MPPED2: variants seen among roughly 807,000 people sequenced by gnomAD.
The protein encoded by MPPED2 is metallophosphoesterase MPPED2.
Under a neutral mutation model 33.0 loss-of-function variants are expected in MPPED2, and 5 were observed. The observed-to-expected ratio is 0.15, with a 90% CI of 0.08 to 0.32. MPPED2 has a LOEUF of 0.32. Among genes scored for constraint, MPPED2 ranks in the 10% least tolerant of loss-of-function variants. MPPED2 has a pLI of 1.00. For synonymous variants in MPPED2, 136 were observed against 141.9 expected, an observed-to-expected ratio of 0.96 and a Z score of 0.29; for missense variants, 275 against 372.1, an observed-to-expected ratio of 0.74 and a Z score of 2.15.
At chr11:30,435,299 C>G (rs1949273863) in intron 4 of MPPED2, among the ~76,000 whole-genome samples, 1 of 152,168 alleles carries the variant, frequency 6.6e-6, no homozygotes. Flanking sequence ...TGTGAAATGT[C>G]TGCTAGCCAG....
At chr11:30,490,383 C>T (rs1417045947) in intron 4 of MPPED2, among the ~76,000 whole-genome samples, 1 of 152,164 alleles carries the variant, frequency 6.6e-6, no homozygotes, top group Non-Finnish European at 1.5e-5. Context: ...TGTGGCTGAA[C>T]TGTTAAAAAG....
intron 4 of MPPED2, among the ~76,000 whole-genome samples, chr11:30,434,913 G>A (rs1284051890): frequency 6.6e-6 from 1 of 152,012 alleles, no homozygotes; most frequent in African/African-American, 2.4e-5. Flanking sequence ...TTAATCACTC[G>A]ATTAGGGTCA....
chr11:30,393,108 T>C (rs1947800230), intron 6 of MPPED2, among the ~76,000 whole-genome samples: 2 of 152,118 alleles, frequency 1.3e-5, no homozygotes, highest in Non-Finnish European at 2.9e-5. Context: ...TCATCGACAG[T>C]TGTTTCTCTT....
intron 4 of MPPED2, among the ~76,000 whole-genome samples, chr11:30,478,494 T>C (rs1951323771): frequency 6.6e-6 from 1 of 152,136 alleles, no homozygotes; most frequent in African/African-American, 2.4e-5. Context: ...TGTGGGTTAA[T>C]GGATGTTCAC....
At chr11:30,439,877 A>ATCT (rs1337152670) in intron 4 of MPPED2, among the ~76,000 whole-genome samples, 1 of 152,228 alleles carries the variant, frequency 6.6e-6, no homozygotes, top group African/African-American at 2.4e-5. Context: ...GTTACTTAAC[A>ATCT]TCTCTGTGTC....
rs1442006553 is a variant in MPPED2, at chr11:30,410,405, G to A, written c.*1063C>T. On this transcript the variant is annotated 3_prime_UTR_variant, in exon 7 of 7. Transcript: ENST00000358117. ...CTATTAGCGACAATATTTTGTGCTA[G>A]CGAAGATTGCATCGACACACAGTGC... 7 of 985,782 alleles carry A rather than the reference G, an allele frequency of 7.1e-6. No homozygotes were observed. Among genetic ancestry groups the A allele is most frequent in the Non-Finnish European group, 8.4e-6 (7 of 829,866 alleles). 61.1% of individuals were successfully genotyped at this position (985,782 alleles called of 1,614,324 possible). A position where few individuals can be genotyped will look rare whatever the true frequency, so the allele number is the denominator to read the frequency against.
intron 2 of MPPED2, among the ~76,000 whole-genome samples, chr11:30,550,824 G>A (rs116368476): frequency 1.5e-3 from 224 of 152,268 alleles, no homozygotes; most frequent in African/African-American, 5.1e-3. Flanking sequence ...GGGTTTCTGA[G>A]TTACAGTGTT....
chr11:30,386,561 G>T, exon 7 of MPPED2: 1 of 396,078 alleles, frequency 2.5e-6, no homozygotes, highest in Non-Finnish European at 4.4e-6. Flanking sequence ...CAGTCTCAGG[G>T]ATTCCTTTAT....
At chr11:30,443,904 A>G (rs1437382044) in intron 4 of MPPED2, among the ~76,000 whole-genome samples, 2 of 152,208 alleles carry the variant, frequency 1.3e-5, no homozygotes, top group Non-Finnish European at 2.9e-5. Context: ...GGAACAGTAC[A>G]TTGCCCTCAA....
At chr11:30,395,747 T>G (rs1429063751) in intron 6 of MPPED2, among the ~76,000 whole-genome samples, 1 of 152,174 alleles carries the variant, frequency 6.6e-6, no homozygotes, top group Non-Finnish European at 1.5e-5. Context: ...AAGTCTTTAA[T>G]TTAATATAAC....
intron 4 of MPPED2, among the ~76,000 whole-genome samples, chr11:30,423,252 C>T (rs543622017): frequency 4.7e-4 from 72 of 152,240 alleles, no homozygotes; most frequent in Admixed American, 8.5e-4. Context: ...GAAGTTGGTG[C>T]CTGTTATCCT....
intron 5 of MPPED2, among the ~76,000 whole-genome samples, chr11:30,416,564 C>T (rs1184834070): frequency 1.3e-5 from 2 of 152,014 alleles, no homozygotes; most frequent in African/African-American, 4.8e-5. Context: ...TCCCTCTCTC[C>T]AAACCAAGAT....
At chr11:30,482,999 G>A (rs1951558000) in intron 4 of MPPED2, among the ~76,000 whole-genome samples, 1 of 152,062 alleles carries the variant, frequency 6.6e-6, no homozygotes, top group Non-Finnish European at 1.5e-5. Flanking sequence ...ATCTTGAACG[G>A]CACATACAGT....
Position 30,528,927 on chromosome 11 carries a change from A to T in MPPED2, c.310+7067T>A, listed in dbSNP as rs1050016890. ...ATTTTTTAAAAATACACATCATCTG[A>T]AGAAACAATTCTACTTCTAGGAATA... On this transcript the variant is annotated intron_variant, in intron 3 of 6. Transcript: ENST00000358117. Among the ~76,000 whole-genome samples, 4 of 152,246 alleles carry T rather than the reference A, an allele frequency of 2.6e-5. No individual in the cohort carries two copies. The East Asian group carries it at 7.7e-4, about 29-fold the overall frequency.
At chr11:30,574,560 C>A (rs1956840301) in intron 2 of MPPED2, among the ~76,000 whole-genome samples, 1 of 152,214 alleles carries the variant, frequency 6.6e-6, no homozygotes. Flanking sequence ...GTAGGCAACA[C>A]TGTTCTCATC....
intron 4 of MPPED2, among the ~76,000 whole-genome samples, chr11:30,440,848 C>T (rs562312875): frequency 3.9e-5 from 6 of 152,272 alleles, no homozygotes; most frequent in East Asian, 3.9e-4. Context: ...ATGCAGAGGA[C>T]GCTAAGAAAT....
intron 2 of MPPED2, among the ~76,000 whole-genome samples, chr11:30,554,094 TTG>T (rs1464774046): frequency 6.6e-6 from 1 of 152,146 alleles, no homozygotes; most frequent in Non-Finnish European, 1.5e-5. Context: ...CTTGGGTACT[TTG>T]TGAATTTCTC....
intron 4 of MPPED2, among the ~76,000 whole-genome samples, chr11:30,423,776 A>G (rs1473425548): frequency 6.6e-6 from 1 of 152,234 alleles, no homozygotes; most frequent in African/African-American, 2.4e-5. Flanking sequence ...TATGATATAT[A>G]TTAACACATA....
At chr11:30,405,074 G>T (rs939757865) in intron 6 of MPPED2, among the ~76,000 whole-genome samples, 1 of 152,130 alleles carries the variant, frequency 6.6e-6, no homozygotes, top group Admixed American at 6.5e-5. Flanking sequence ...AAGGTAGGTT[G>T]GGGGATCCAG....
Sources: gnomAD v4.1 joint callset for allele counts (sites outside exome capture counted in the v4.1 genomes callset) on GRCh38, gnomAD v4.1.1 for gene constraint, MANE v1.5 for transcripts, NCBI Gene and HGNC (gene_info 2026-07-23, HGNC 2026-07-21) for gene names.